Variants in DNAH9 observed in about 807,000 individuals in gnomAD.
The protein encoded by DNAH9 is dynein axonemal heavy chain 9.
In DNAH9, 345 loss-of-function variants were observed where a neutral mutation model predicts 471.6. That is an observed-to-expected ratio of 0.73 (90% CI 0.67 to 0.80). The LOEUF is 0.80. Ranked by LOEUF, DNAH9 falls within the 30% of genes least tolerant of loss-of-function variation. DNAH9 has a pLI of 0.00. For synonymous variants in DNAH9, 2,093 were observed against 2,123.6 expected (o/e 0.99, Z 0.40); for missense variants, 5,407 against 5,609.2 (o/e 0.96, Z 1.15).
At chr17:11,631,626 G>A (rs1357002309) in intron 7 of DNAH9, among the ~76,000 whole-genome samples, 2 of 142,112 alleles carry the variant, frequency 1.4e-5, no homozygotes, top group Non-Finnish European at 3.0e-5. Flanking sequence ...GGGTGACAGA[G>A]TGAGACTCTG....
chr17:11,757,753 C>T (rs1027073378), intron 35 of DNAH9, 61 bp downstream of exon 35: 20 of 1,545,330 alleles, frequency 1.3e-5, no homozygotes, highest in African/African-American at 6.8e-5. Flanking sequence ...CATGGGTTCA[C>T]ACCTAGTGTC....
chr17:11,878,393 C>G (rs1057176537), intron 53 of DNAH9, among the ~76,000 whole-genome samples: 2 of 152,092 alleles, frequency 1.3e-5, no homozygotes, highest in African/African-American at 4.8e-5. Context: ...TTTTAATTTA[C>G]TTTTGTGAGG....
At chr17:11,621,362 C>T (rs184246954) in intron 6 of DNAH9, among the ~76,000 whole-genome samples, 4 of 143,640 alleles carry the variant, frequency 2.8e-5, no homozygotes, top group East Asian at 4.3e-4. Flanking sequence ...GAGCCAAGAT[C>T]GCGCCATTGC....
rs545922936 is a variant in DNAH9, at chr17:11,871,900, C to A, written c.10242+114C>A. On this transcript the variant is annotated intron_variant, in intron 52 of 68. Coordinates refer to ENST00000262442, the MANE Select transcript of DNAH9 (RefSeq NM_001372.4). Reference sequence around the variant, plus strand: ...CCTCCTGCACACTCATCCCCACCACCCCCTGAGCACCAGGTGTGAAACCTG... The same window carrying A: ...CCTCCTGCACACTCATCCCCACCACACCCTGAGCACCAGGTGTGAAACCTG... 5.3e-6 allele frequency: 6 copies of A among 1,122,150 alleles called. No individual in the cohort carries two copies. In the Middle Eastern group the frequency reaches 1.2e-3, roughly 216 times the overall value. The allele number at this position is 1,122,150 out of a possible 1,614,324, so 69.5% of individuals were successfully genotyped here.
intron 26 of DNAH9, among the ~76,000 whole-genome samples, chr17:11,712,766 G>A (rs1354011964): frequency 6.6e-6 from 1 of 151,288 alleles, no homozygotes; most frequent in Non-Finnish European, 1.5e-5. Flanking sequence ...TGTTTGGTCT[G>A]TCTTCTTATT....
rs377142502 is a variant in DNAH9 at position 11,629,444 on chromosome 17, C to T, written c.1378C>T (p.His460Tyr). Residue 460 changes from histidine to tyrosine, a missense_variant, in exon 7 of 69, where the codon CAC (histidine) becomes TAC (tyrosine). Coordinates refer to ENST00000262442, the MANE Select transcript of DNAH9 (RefSeq NM_001372.4). ...TCTTCTGAAGACGGCCCTGGATTTCCACAAACTGGGAAAGGTGGAGTTCAG... is the reference window on the plus strand; with the variant it reads ...TCTTCTGAAGACGGCCCTGGATTTCTACAAACTGGGAAAGGTGGAGTTCAG... Reference protein sequence around the residue: ...EGLLKTALDFHKLGKVEFSGV... With the variant: ...EGLLKTALDFYKLGKVEFSGV... 1.9e-6 allele frequency: 3 copies of T among 1,614,068 alleles called. No individual in the cohort carries two copies. The highest frequency in any genetic ancestry group is 3.3e-5 in the Admixed American group (2 of 60,012).
chr17:11,877,762 G>T (rs887189429), intron 53 of DNAH9, among the ~76,000 whole-genome samples: 1 of 152,104 alleles, frequency 6.6e-6, no homozygotes, highest in East Asian at 1.9e-4. Context: ...GAATGCCAAG[G>T]CATGCTATGA....
At chr17:11,699,970 C>A (rs2074562339) in intron 23 of DNAH9, 87 bp downstream of exon 23, 3 of 1,381,906 alleles carry the variant, frequency 2.2e-6, no homozygotes, top group Non-Finnish European at 1.0e-6. Context: ...CTAGGAGGGC[C>A]TTTCTGACCT....
Position 11,669,302 on chromosome 17 carries a change from T to G in DNAH9, c.2928+42T>G, listed in dbSNP as rs1384571107. 1.7e-5 allele frequency: 27 copies of G among 1,596,222 alleles called. No individual in the cohort carries two copies. In the Admixed American group the frequency reaches 4.6e-4, roughly 27 times the overall value. ...CATCCTGCCCTCCAACTGTGTCCCG[T>G]CCAGCCGAATCTCGAACTTCCTGCC... is the stretch of plus-strand genomic sequence containing the variant. On this transcript the variant is annotated intron_variant, in intron 16 of 68. Coordinates refer to ENST00000262442, the MANE Select transcript of DNAH9 (RefSeq NM_001372.4).
chr17:11,669,426 A>C lies in DNAH9; in HGVS notation c.2985A>C (p.Arg995Ser). The C allele has an allele frequency of 6.2e-7, 1 of 1,614,018 alleles. No individual in the cohort carries two copies. Among genetic ancestry groups the C allele is most frequent in the Non-Finnish European group, 8.5e-7 (1 of 1,179,998 alleles). Reference sequence around the variant, plus strand: ...ACATGCGGCGCACACTCATGGAGAGAGTCCAGAGAATGATGGGCCTCTGCT... The same window carrying C: ...ACATGCGGCGCACACTCATGGAGAGCGTCCAGAGAATGATGGGCCTCTGCT... ...LANMRRTLMERVQRMMGLCCG... is the reference protein window; with the variant it reads ...LANMRRTLMESVQRMMGLCCG... Residue 995 changes from arginine to serine, a missense_variant, in exon 17 of 69, where the codon AGA becomes AGC. By Grantham distance (110) the Arg-to-Ser change is moderately radical (BLOSUM62 -1). Around this residue, in one of 3 missense-constraint regions of DNAH9, gnomAD observed 4,636 missense variants for 4,900.3 expected, o/e 0.95. Coordinates refer to ENST00000262442, the MANE Select transcript of DNAH9 (RefSeq NM_001372.4).
chr17:11,969,215 C>G, intron 68 of DNAH9, 85 bp from the exon 69 acceptor site: 3 of 1,225,884 alleles, frequency 2.4e-6, no homozygotes, highest in Non-Finnish European at 3.5e-6. Context: ...AGTCTTTCCT[C>G]CCTTGGATCT....
intron 67 of DNAH9, among the ~76,000 whole-genome samples, chr17:11,961,276 C>T (rs1976153338): frequency 6.6e-6 from 1 of 152,150 alleles, no homozygotes; most frequent in Non-Finnish European, 1.5e-5. Context: ...GATTGCACCA[C>T]TGCACTCCAG....
intron 34 of DNAH9, 98 bp from the exon 35 acceptor site, chr17:11,757,447 T>G (rs1967445580): frequency 1.7e-6 from 2 of 1,160,220 alleles, no homozygotes; most frequent in Admixed American, 2.3e-5. Flanking sequence ...CAGTCCAGTC[T>G]TCTGTACATT....
intron 27 of DNAH9, among the ~76,000 whole-genome samples, chr17:11,721,345 G>C (rs566298563): frequency 1.3e-5 from 2 of 152,100 alleles, no homozygotes; most frequent in South Asian, 4.2e-4. Flanking sequence ...ATGGAATACA[G>C]GCTAGACACA....
chr17:11,928,591 T>C (rs565898609), intron 62 of DNAH9, among the ~76,000 whole-genome samples: 13 of 152,320 alleles, frequency 8.5e-5, no homozygotes, highest in East Asian at 1.9e-4. Flanking sequence ...TTTTGATAGA[T>C]AGACAGACAG....
At chr17:11,967,673 A>T (rs544248749) in intron 68 of DNAH9, among the ~76,000 whole-genome samples, 1 of 152,326 alleles carries the variant, frequency 6.6e-6, no homozygotes, top group African/African-American at 2.4e-5. Flanking sequence ...CATGAAACCC[A>T]TCATGATCCA....
At chr17:11,655,804 G>A (rs1215034868) in intron 14 of DNAH9, among the ~76,000 whole-genome samples, 2 of 152,044 alleles carry the variant, frequency 1.3e-5, no homozygotes, top group African/African-American at 4.8e-5. Flanking sequence ...ATAAGTGGGA[G>A]CTAAACTATG....
At chr17:11,684,909 G>A (rs1055685709) in intron 19 of DNAH9, among the ~76,000 whole-genome samples, 1 of 152,184 alleles carries the variant, frequency 6.6e-6, no homozygotes, top group Non-Finnish European at 1.5e-5. Context: ...ACCTCCCAGA[G>A]ACATATCGGT....
intron 67 of DNAH9, among the ~76,000 whole-genome samples, chr17:11,947,627 GTTT>G (rs1166670563): frequency 6.6e-6 from 1 of 151,844 alleles, no homozygotes; most frequent in Non-Finnish European, 1.5e-5. Flanking sequence ...CACCTGTTTG[GTTT>G]TTTACTTTTA....
Sources: gnomAD v4.1 joint callset for allele counts (sites outside exome capture counted in the v4.1 genomes callset) on GRCh38, gnomAD v4.1.1 for gene constraint, gnomAD v4.1.1 regional missense constraint, MANE v1.5 for transcripts, NCBI Gene and HGNC (gene_info 2026-07-23, HGNC 2026-07-21) for gene names.